The following CFAP65 variants were observed in gnomAD, a reference collection of about 807,000 sequenced individuals.
The protein encoded by CFAP65 is cilia and flagella associated protein 65.
Under a neutral mutation model 208.0 loss-of-function variants are expected in CFAP65, and 155 were observed. That is an observed-to-expected ratio of 0.75 (90% confidence interval 0.65 to 0.85). The LOEUF (loss-of-function observed/expected upper bound fraction) is 0.85. CFAP65 is among the 40% of genes least tolerant of loss of function. The probability of loss-of-function intolerance (pLI) is 0.00; values close to 1 mark genes in which losing one functional copy is unlikely to be tolerated. For missense variants in CFAP65, 2,294 were observed against 2,451.3 expected, an observed-to-expected ratio of 0.94 and a Z score of 1.36; for synonymous variants, 970 against 986.3, an observed-to-expected ratio of 0.98 and a Z score of 0.31.
chr2:219,038,715 C>T (rs1001432336), intron 3 of CFAP65, 137 bp from the exon 4 acceptor site: 1 of 1,110,434 alleles, frequency 9.0e-7, no homozygotes, highest in South Asian at 1.4e-5. Flanking sequence ...TACCTGGCAC[C>T]ATGAGGAATG....
intron 4 of CFAP65, among the ~76,000 whole-genome samples, chr2:219,037,424 A>C (rs904260043): frequency 6.6e-6 from 1 of 152,174 alleles, no homozygotes. Context: ...AAACAACAAC[A>C]ACAAGGAAAT....
chr2:219,031,540 A>G lies in CFAP65; in HGVS notation c.764T>C (p.Met255Thr), dbSNP rs2106236497. 4 of 1,614,188 alleles carry G rather than the reference A, an allele frequency of 2.5e-6. No homozygotes were observed. The highest frequency in any genetic ancestry group is 3.4e-6 in the Non-Finnish European group (4 of 1,180,024). Residue 255 changes from methionine to threonine, a missense_variant, in exon 7 of 35, where the codon ATG becomes ACG. Met to Thr is a moderately conservative substitution (Grantham distance 81). Transcript: ENST00000341552. This position sits in a 1 kb window ranked among gnomAD's most constrained non-coding sequence, Gnocchi z 5.2. Reference sequence around the variant, plus strand: ...CTCAGTCGTATCTCCCACAGCACACATGGGCAGCTGCAGGGATGGTGGGCG... The same window carrying G: ...CTCAGTCGTATCTCCCACAGCACACGTGGGCAGCTGCAGGGATGGTGGGCG... ...ICRPPSLQLP[M>T]CAVGDTTEAF... is the part of the protein sequence containing the mutation.
intron 24 of CFAP65, 73 bp downstream of exon 24, chr2:219,013,186 C>G: frequency 9.5e-7 from 1 of 1,057,404 alleles, no homozygotes; most frequent in Non-Finnish European, 1.4e-6. Flanking sequence ...GTCACCCTCT[C>G]AAGGGCTGAC....
Position 219,032,211 on chromosome 2 carries a change from G to A in CFAP65, c.645+259C>T, listed in dbSNP as rs1020581840. 1.3e-5 allele frequency among the ~76,000 whole-genome samples: 2 copies of A among 152,176 alleles called. No individual in the cohort carries two copies. The highest frequency in any genetic ancestry group is 2.9e-5 in the Non-Finnish European group (2 of 68,038). The stretch of plus-strand genomic sequence containing the variant: ...GCTGAGATTCCAGAAGTCAGTCACC[G>A]TCCCCGGCCACGGAATGTAGGACTT... On this transcript the variant is annotated intron_variant, in intron 6 of 34. Transcript: ENST00000341552. This position sits in a 1 kb window ranked among gnomAD's most constrained non-coding sequence, Gnocchi z 5.5.
intron 19 of CFAP65, 86 bp downstream of exon 19, chr2:219,021,066 G>T: frequency 2.1e-6 from 3 of 1,409,786 alleles, no homozygotes; most frequent in Non-Finnish European, 2.8e-6. Context: ...TCTGCCTGAC[G>T]CTCGGCATCC....
In CFAP65 at chr2:219,010,587, C is replaced by G; in HGVS notation, c.4267G>C (p.Asp1423His). ...TAPFHNISSWDNSSIHSRLVV... is the reference protein window; with the variant it reads ...TAPFHNISSWHNSSIHSRLVV... The stretch of plus-strand genomic sequence containing the variant: ...AGCCTAGAGTGTATGGAACTGTTGT[C>G]CCACGAGGAGATGTTGTGGAATGGG... The change falls in exon 26 of 35, where the codon GAC becomes CAC. Residue 1423 changes from aspartate (D) to histidine (H), a missense_variant. By Grantham distance (81) the Asp-to-His change is moderately conservative (BLOSUM62 -1). Coordinates refer to ENST00000341552, the MANE Select transcript of CFAP65 (RefSeq NM_194302.4). 1 of 1,611,708 alleles carries G rather than the reference C, an allele frequency of 6.2e-7. No individual in the cohort carries two copies. The highest frequency in any genetic ancestry group is 8.5e-7 in the Non-Finnish European group (1 of 1,179,664).
rs146234944 is a variant in CFAP65, at chr2:219,031,611, G to A, written c.693C>T (p.Phe231=). The A allele has an allele frequency of 4.3e-5, 70 of 1,614,030 alleles. No homozygotes were observed. In the Middle Eastern group the frequency reaches 5.0e-4, roughly 11 times the overall value. The part of the protein sequence containing the change: ...QLWFEKAEGM[F]CVGLRATLPC... ...GCAGGGTGGCCCGTAGGCCGACACAGAACATCCCCTCCGCTTTCTCAAACC... is the reference window on the plus strand; with the variant it reads ...GCAGGGTGGCCCGTAGGCCGACACAAAACATCCCCTCCGCTTTCTCAAACC... The change falls in exon 7 of 35, where the codon TTC becomes TTT. Residue 231 remains phenylalanine, a synonymous_variant. Coordinates refer to ENST00000341552, the MANE Select transcript of CFAP65 (RefSeq NM_194302.4). The surrounding 1 kb of genome is among the most constrained non-coding windows in gnomAD (Gnocchi z 5.2).
Position 219,004,271 on chromosome 2 carries a change from G to T in CFAP65, c.5236C>A (p.Pro1746Thr). 1 of 1,613,912 alleles carries T rather than the reference G, an allele frequency of 6.2e-7. No individual in the cohort carries two copies. Among genetic ancestry groups the T allele is most frequent in the Non-Finnish European group, 8.5e-7 (1 of 1,179,998 alleles). Residue 1746 changes from proline (P) to threonine (T), a missense_variant, in exon 33 of 35, where the codon CCG (proline) becomes ACG (threonine). Around this residue, in one of 2 missense-constraint regions of CFAP65, gnomAD observed 1,427 missense variants for 1,438.7 expected, o/e 0.99. Transcript: ENST00000341552. This position sits in a 1 kb window ranked among gnomAD's most constrained non-coding sequence, Gnocchi z 4.7. ...TAGTGCTCTGGTCTGTCTTCCTTCG[G>T]CTGCTTGCCCTTCCCATCCTCCCAG... Reference protein sequence around the residue: ...SSWEDGKGKQPKEDRPEHYPG... With the variant: ...SSWEDGKGKQTKEDRPEHYPG...
At position 219,004,236 on chromosome 2, in the gene CFAP65, C is replaced by T. The variant is rs775551113; in HGVS notation, c.5271G>A (p.Leu1757=). Residue 1757 remains leucine (L), a synonymous_variant, in exon 33 of 35, where the codon TTG becomes TTA. Coordinates refer to ENST00000341552, the MANE Select transcript of CFAP65 (RefSeq NM_194302.4). This position sits in a 1 kb window ranked among gnomAD's most constrained non-coding sequence, Gnocchi z 4.7. Reference sequence around the variant, plus strand: ...CCTCCTCCCCCTCTTCCTTCTTTCCCAACCCTGGATAGTGCTCTGGTCTGT... The same window carrying T: ...CCTCCTCCCCCTCTTCCTTCTTTCCTAACCCTGGATAGTGCTCTGGTCTGT... ...KEDRPEHYPG[L]GKKEEGEEEK... is the part of the protein sequence containing the mutation. 2 of 1,613,988 alleles carry T rather than the reference C, an allele frequency of 1.2e-6. No homozygotes were observed. The highest frequency in any genetic ancestry group is 3.3e-5 in the Admixed American group (2 of 60,006).
chr2:219,038,522 C>G lies in CFAP65; in HGVS notation c.210G>C (p.Gln70His), dbSNP rs1402712130. ...GLCPKDMMLT[Q>H]APSSVVRSRN... Reference sequence around the variant, plus strand: ...TGGACCTCACGACGGAGCTTGGAGCCTGGGTGAGCATCATGTCCTTGGGAC... The same window carrying G: ...TGGACCTCACGACGGAGCTTGGAGCGTGGGTGAGCATCATGTCCTTGGGAC... The change falls in exon 4 of 35, where the codon CAG becomes CAC. Residue 70 changes from glutamine (Q) to histidine (H), a missense_variant. Transcript: ENST00000341552. The G allele has an allele frequency of 6.2e-7, 1 of 1,614,150 alleles. No homozygotes were observed. Among genetic ancestry groups the G allele is most frequent in the Non-Finnish European group, 8.5e-7 (1 of 1,180,034 alleles).
At chr2:219,028,444 T>C in intron 11 of CFAP65, 43 bp from the exon 12 acceptor site, 3 of 1,544,226 alleles carry the variant, frequency 1.9e-6, no homozygotes, top group Non-Finnish European at 2.7e-6. Context: ...GGAGGGGTGG[T>C]AGGGCAAGGG....
At chr2:219,029,333 G>T in intron 11 of CFAP65, 70 bp downstream of exon 11, 1 of 1,545,036 alleles carries the variant, frequency 6.5e-7, no homozygotes, top group Non-Finnish European at 8.8e-7. Context: ...TGCCCACCAA[G>T]CCTTGTCATC....
intron 29 of CFAP65, among the ~76,000 whole-genome samples, chr2:219,008,007 C>T (rs950580587): frequency 2.6e-5 from 4 of 151,804 alleles, no homozygotes; most frequent in South Asian, 2.1e-4. Flanking sequence ...TTAGTAGAGA[C>T]GGGGTTTCAC....
rs1574645232 is a variant in CFAP65, at chr2:219,032,935, C to G, written c.543-363G>C. 1.3e-5 allele frequency among the ~76,000 whole-genome samples: 2 copies of G among 152,130 alleles called. No individual in the cohort carries two copies. Among genetic ancestry groups the G allele is most frequent in the Non-Finnish European group, 2.9e-5 (2 of 68,036 alleles). ...GCTGAGGAGGGTGGGACCGGGGATG[C>G]CTTTCCAGAGACCTCAGCAGAGCTG... On this transcript the variant is annotated intron_variant, in intron 5 of 34. Coordinates refer to ENST00000341552, the MANE Select transcript of CFAP65 (RefSeq NM_194302.4). This position sits in a 1 kb window ranked among gnomAD's most constrained non-coding sequence, Gnocchi z 5.5.
At chr2:219,038,066 C>G (rs1412036194) in intron 4 of CFAP65, among the ~76,000 whole-genome samples, 1 of 152,232 alleles carries the variant, frequency 6.6e-6, no homozygotes, top group Non-Finnish European at 1.5e-5. Context: ...CTCTCAGGCA[C>G]TCACTGCTCC....
intron 15 of CFAP65, 119 bp downstream of exon 15, chr2:219,023,896 G>A (rs1947437862): frequency 8.9e-6 from 11 of 1,238,390 alleles, no homozygotes; most frequent in Admixed American, 2.2e-5. Flanking sequence ...GCTACTTCCT[G>A]GAGGAGAAGT....
chr2:219,030,251 A>T, intron 9 of CFAP65, 43 bp from the exon 10 acceptor site: 2 of 1,572,480 alleles, frequency 1.3e-6, no homozygotes, highest in Non-Finnish European at 1.8e-6. Context: ...GTCACAGAGC[A>T]GAGCACTGTA....
At chr2:219,010,307 A>G (rs1218409829) in intron 26 of CFAP65, among the ~76,000 whole-genome samples, 1 of 152,146 alleles carries the variant, frequency 6.6e-6, no homozygotes, top group Admixed American at 6.5e-5. Flanking sequence ...GCCCTGAGGC[A>G]GGTGGAGCGG....
rs746585246 is a variant in CFAP65, at chr2:219,024,286, G to GC, written c.2350-27dup. 6 of 1,596,188 alleles carry GC rather than the reference G, an allele frequency of 3.8e-6. No homozygotes were observed. In the African/African-American group the frequency reaches 4.0e-5, roughly 11 times the overall value. ...CTGGGGGTGGGAGAGGAGGAAAGCG[G>GC]CCCCCCGCTCAGACCTCCACCCTGG... On this transcript the variant is annotated intron_variant, in intron 14 of 34. Transcript: ENST00000341552.
Sources: allele counts gnomAD v4.1 joint callset (sites outside exome capture counted in the v4.1 genomes callset), GRCh38; gene constraint gnomAD v4.1.1; regional missense constraint gnomAD v4.1.1; non-coding constraint Gnocchi (gnomAD v3.1); transcripts MANE v1.5; gene names NCBI Gene and HGNC (gene_info 2026-07-23, HGNC 2026-07-21).